DPH6: variants seen among roughly 807,000 people sequenced by gnomAD.
DPH6 encodes the protein diphthine--ammonia ligase.
A neutral mutation model predicts 38.2 loss-of-function variants in DPH6; 33 were observed. The ratio of observed to expected loss-of-function variants is 0.86; its 90% CI spans 0.65 to 1.15. DPH6 has a LOEUF of 1.15. DPH6 is among the 50% of genes most tolerant of loss of function. The pLI, the probability that DPH6 is intolerant of heterozygous loss-of-function variation, is 0.00. For missense variants in DPH6, 325 were observed against 320.0 expected (o/e 1.02, Z -0.12); for synonymous variants, 108 against 103.0 (o/e 1.05, Z -0.30).
chr15:35,462,591 A>G (rs2054078916), intron 3 of DPH6, among the ~76,000 whole-genome samples: 1 of 151,906 alleles, frequency 6.6e-6, no homozygotes. Context: ...TTATTCCCTC[A>G]CTTCTTCCAG....
At chr15:35,488,135 A>G (rs1007136311) in intron 3 of DPH6, among the ~76,000 whole-genome samples, 3 of 152,102 alleles carry the variant, frequency 2.0e-5, no homozygotes, top group Non-Finnish European at 4.4e-5. Context: ...CCATATCACT[A>G]TTTTTGATCA....
intron 5 of DPH6, among the ~76,000 whole-genome samples, chr15:35,436,638 T>C (rs1228021567): frequency 6.6e-6 from 1 of 152,116 alleles, no homozygotes; most frequent in Non-Finnish European, 1.5e-5. Context: ...ATAAGAGGTT[T>C]CTTGCTCAGG....
At chr15:35,489,475 T>C (rs2054447926) in intron 3 of DPH6, 1 of 982,940 alleles carries the variant, frequency 1.0e-6, no homozygotes, top group African/African-American at 1.7e-5. Flanking sequence ...AAAGGCATAT[T>C]AGGCATATAA....
At chr15:35,235,106 A>T (rs2051542174) in intron 3 of DPH6, among the ~76,000 whole-genome samples, 1 of 152,334 alleles carries the variant, frequency 6.6e-6, no homozygotes, top group East Asian at 1.9e-4. Context: ...TCTGTCCAGA[A>T]GCCCTTTTAC....
intron 2 of DPH6, among the ~76,000 whole-genome samples, chr15:35,541,998 A>G (rs2055259383): frequency 6.6e-6 from 1 of 152,140 alleles, no homozygotes; most frequent in Non-Finnish European, 1.5e-5. Flanking sequence ...TATATCATTT[A>G]TCAATATGTG....
chr15:35,490,603 G>C (rs966187463), intron 3 of DPH6, among the ~76,000 whole-genome samples: 4 of 152,180 alleles, frequency 2.6e-5, no homozygotes, highest in Non-Finnish European at 5.9e-5. Flanking sequence ...GTCCCTGAGA[G>C]ACTTGAGCAT....
At chr15:35,317,479 T>A (rs889760040) in intron 3 of DPH6, among the ~76,000 whole-genome samples, 4 of 147,384 alleles carry the variant, frequency 2.7e-5, no homozygotes, top group Non-Finnish European at 5.9e-5. Flanking sequence ...GAAAGAAAGA[T>A]ACTCTCCAAA....
At chr15:35,293,376 C>T (rs910958215) in intron 3 of DPH6, among the ~76,000 whole-genome samples, 1 of 152,156 alleles carries the variant, frequency 6.6e-6, no homozygotes, top group Non-Finnish European at 1.5e-5. Context: ...ATCTCCTTTT[C>T]CTGTATGCCA....
intron 3 of DPH6, among the ~76,000 whole-genome samples, chr15:35,504,094 T>A (rs1156784089): frequency 6.6e-6 from 1 of 152,078 alleles, no homozygotes; most frequent in Non-Finnish European, 1.5e-5. Flanking sequence ...ATCTCTCCTC[T>A]CTCTGTACCT....
At chr15:35,256,153 A>C (rs572583211) in intron 3 of DPH6, among the ~76,000 whole-genome samples, 1 of 152,268 alleles carries the variant, frequency 6.6e-6, no homozygotes, top group Admixed American at 6.5e-5. Context: ...ACTTGTCATA[A>C]CTAATAAGGC....
intron 3 of DPH6, among the ~76,000 whole-genome samples, chr15:35,283,162 C>T (rs1264447356): frequency 1.4e-5 from 2 of 147,816 alleles, no homozygotes; most frequent in African/African-American, 2.5e-5. Flanking sequence ...CTTTTCCCTC[C>T]CCCTCCCCCT....
intron 3 of DPH6, among the ~76,000 whole-genome samples, chr15:35,269,905 C>T (rs2051811434): frequency 1.3e-5 from 2 of 151,340 alleles, no homozygotes. Context: ...ATTCTCCTGC[C>T]TCAGCCTCCC....
intron 3 of DPH6, among the ~76,000 whole-genome samples, chr15:35,467,984 T>G (rs1176133203): frequency 2.0e-5 from 3 of 152,224 alleles, no homozygotes; most frequent in Non-Finnish European, 4.4e-5. Context: ...CATGGTCCTT[T>G]GTTAACCAAA....
the DPH6 span, among the ~76,000 whole-genome samples, chr15:35,155,924 T>C: frequency 6.6e-6 from 1 of 152,210 alleles, no homozygotes; most frequent in Non-Finnish European, 1.5e-5. Flanking sequence ...AAAATTTATC[T>C]ATTACAGTGT....
intron 3 of DPH6, among the ~76,000 whole-genome samples, chr15:35,255,350 G>A (rs2051700561): frequency 6.6e-6 from 1 of 152,124 alleles, no homozygotes; most frequent in African/African-American, 2.4e-5. Context: ...ACCATCCATT[G>A]GTTTGAGAAT....
the DPH6 span, among the ~76,000 whole-genome samples, chr15:35,149,719 T>A: frequency 6.6e-6 from 1 of 152,220 alleles, no homozygotes; most frequent in African/African-American, 2.4e-5. Flanking sequence ...GAGCCTTTTA[T>A]AGAATTTGAC....
chr15:35,325,450 A>C (rs993314423), intron 3 of DPH6, among the ~76,000 whole-genome samples: 1 of 152,200 alleles, frequency 6.6e-6, no homozygotes, highest in Non-Finnish European at 1.5e-5. Context: ...TTTATGAGAA[A>C]GGTAACACTG....
At chr15:35,196,412 A>C in the DPH6 span, among the ~76,000 whole-genome samples, 46 of 152,314 alleles carry the variant, frequency 3.0e-4, no homozygotes, top group East Asian at 8.5e-3. Context: ...CGTTAAAGCC[A>C]GTAGAGTTCG....
intron 6 of DPH6, among the ~76,000 whole-genome samples, chr15:35,394,598 A>G (rs2053105730): frequency 6.6e-6 from 1 of 152,174 alleles, no homozygotes; most frequent in Non-Finnish European, 1.5e-5. Flanking sequence ...CATCAGTTAA[A>G]AGCACTGGCT....
Sources: allele counts gnomAD v4.1 joint callset (sites outside exome capture counted in the v4.1 genomes callset), GRCh38; gene constraint gnomAD v4.1.1; transcripts MANE v1.5; gene names NCBI Gene and HGNC (gene_info 2026-07-23, HGNC 2026-07-21).